The following HSD17B4 variants were observed in gnomAD, a reference collection of about 807,000 sequenced individuals.
HSD17B4 encodes hydroxysteroid 17-beta dehydrogenase 4, also known as peroxisomal multifunctional enzyme type 2.
In HSD17B4, 70 loss-of-function variants were observed where a neutral mutation model predicts 101.0. The observed-to-expected ratio is 0.69, with a 90% CI of 0.57 to 0.85. The LOEUF (loss-of-function observed/expected upper bound fraction) is 0.85, where lower values mean the gene tolerates loss of function less well. Ranked by LOEUF, HSD17B4 falls within the 40% of genes least tolerant of loss-of-function variation. The probability of loss-of-function intolerance (pLI) is 0.00; values close to 1 mark genes in which losing one functional copy is unlikely to be tolerated. For missense variants in HSD17B4, 984 were observed against 892.4 expected, an observed-to-expected ratio of 1.10 and a Z score of -1.31; for synonymous variants, 347 against 297.1, an observed-to-expected ratio of 1.17 and a Z score of -1.73.
In HSD17B4 at chr5:119,452,596, C is replaced by T. The variant is rs143278360; in HGVS notation, c.21C>T (p.Phe7=). 8.7e-6 allele frequency: 14 copies of T among 1,613,978 alleles called. No individual in the cohort carries two copies. The highest frequency in any genetic ancestry group is 1.2e-5 in the Non-Finnish European group (14 of 1,179,980). Residue 7 remains phenylalanine, a synonymous_variant, in exon 1 of 24, where the codon TTC becomes TTT. Transcript: ENST00000510025. The stretch of plus-strand genomic sequence containing the variant: ...TATTCATGGGCTCACCGCTGAGGTT[C>T]GACGGGCGGGTGGTACTGGTCACCG... MGSPLR[F]DGRVVLVTGA...
Position 119,464,159 on chromosome 5 carries a change from GT to G in HSD17B4, c.112+7798del, listed in dbSNP as rs536559875. ...GCAAGTTGTCTCTTCACTGTTGATT[GT>G]TTTTTTGCTGTGCAGAAGCTTTTTA... is the stretch of plus-strand genomic sequence containing the variant. On this transcript the variant is annotated intron_variant, in intron 2 of 23. Transcript: ENST00000510025. Among the ~76,000 whole-genome samples the G allele has an allele frequency of 7.3e-4, 111 of 151,976 alleles. 1 individual carries two copies. Among genetic ancestry groups the G allele is most frequent in the African/African-American group, 2.7e-3 (111 of 41,458 alleles).
intron 8 of HSD17B4, among the ~76,000 whole-genome samples, chr5:119,488,096 C>A (rs1749768736): frequency 6.6e-6 from 1 of 151,986 alleles, no homozygotes; most frequent in Non-Finnish European, 1.5e-5. Flanking sequence ...TTTATTTGAT[C>A]TTTTAGATAA....
intron 2 of HSD17B4, among the ~76,000 whole-genome samples, chr5:119,465,814 T>C (rs1213861153): frequency 1.3e-5 from 2 of 152,230 alleles, no homozygotes; most frequent in Non-Finnish European, 2.9e-5. Context: ...ATGCCCTTTG[T>C]TTCTTTCTCT....
intron 22 of HSD17B4, among the ~76,000 whole-genome samples, chr5:119,532,484 G>T (rs1254551996): frequency 6.6e-6 from 1 of 152,008 alleles, no homozygotes; most frequent in South Asian, 2.1e-4. Context: ...TAAAAAAAAG[G>T]TTCTGAAATT....
intron 12 of HSD17B4, 39 bp from the exon 13 acceptor site, chr5:119,499,278 T>A: frequency 7.2e-7 from 1 of 1,397,170 alleles, no homozygotes; most frequent in Non-Finnish European, 1.0e-6. Flanking sequence ...TTTTGAAAAG[T>A]TATCAATGAA....
At chr5:119,525,002 A>AT (rs1172383340) in intron 17 of HSD17B4, among the ~76,000 whole-genome samples, 1 of 151,930 alleles carries the variant, frequency 6.6e-6, no homozygotes, top group South Asian at 2.1e-4. Flanking sequence ...CCCTTTCTAC[A>AT]TTTTTTTCCC....
intron 2 of HSD17B4, among the ~76,000 whole-genome samples, chr5:119,470,961 A>G (rs933037968): frequency 1.7e-4 from 26 of 152,212 alleles, no homozygotes; most frequent in Non-Finnish European, 3.8e-4. Flanking sequence ...TTAACTACCC[A>G]TGATTGATCT....
intron 17 of HSD17B4, among the ~76,000 whole-genome samples, chr5:119,524,094 A>C (rs1466221868): frequency 6.6e-6 from 1 of 152,102 alleles, no homozygotes; most frequent in Non-Finnish European, 1.5e-5. Context: ...AGCATCTCAT[A>C]TGGGACCTTG....
At chr5:119,506,996 A>G (rs181946611) in intron 15 of HSD17B4, 107 bp downstream of exon 15, 2 of 608,892 alleles carry the variant, frequency 3.3e-6, no homozygotes, top group East Asian at 6.4e-5. Context: ...TTTGTCTTCC[A>G]ATTTGTTAGA....
chr5:119,467,842 A>C (rs1755967588), intron 2 of HSD17B4, among the ~76,000 whole-genome samples: 1 of 152,142 alleles, frequency 6.6e-6, no homozygotes, highest in Admixed American at 6.6e-5. Context: ...CTGAGTTATG[A>C]ATGTAGTTAT....
chr5:119,514,269 G>A (rs1171050328), intron 16 of HSD17B4, among the ~76,000 whole-genome samples: 1 of 152,094 alleles, frequency 6.6e-6, no homozygotes, highest in Non-Finnish European at 1.5e-5. Context: ...TCTAAGTGTG[G>A]CATTTTAGTA....
At chr5:119,484,060 A>G (rs188455373) in intron 8 of HSD17B4, among the ~76,000 whole-genome samples, 16 of 152,180 alleles carry the variant, frequency 1.1e-4, no homozygotes, top group African/African-American at 3.6e-4. Context: ...AAAAAAAGTC[A>G]AGCTGGACAG....
chr5:119,506,476 T>C (rs1211405484), intron 14 of HSD17B4, among the ~76,000 whole-genome samples: 1 of 152,246 alleles, frequency 6.6e-6, no homozygotes, highest in Admixed American at 6.5e-5. Flanking sequence ...ACAATAAATA[T>C]ACGTGTGCAT....
intron 20 of HSD17B4, among the ~76,000 whole-genome samples, chr5:119,528,510 A>T (rs768109857): frequency 6.6e-6 from 1 of 152,140 alleles, no homozygotes; most frequent in Non-Finnish European, 1.5e-5. Flanking sequence ...ACCCATAGAT[A>T]CACTCAAATT....
chr5:119,470,889 A>G (rs114577967), intron 2 of HSD17B4, among the ~76,000 whole-genome samples: 2,091 of 152,324 alleles, frequency 0.014, 50 homozygotes, highest in African/African-American at 0.048. Context: ...TGAGTGGGTC[A>G]GTGTCAATTT....
intron 2 of HSD17B4, chr5:119,471,560 G>T: frequency 1.8e-6 from 1 of 559,638 alleles, no homozygotes; most frequent in Non-Finnish European, 2.8e-6. Flanking sequence ...AAAAAAAATT[G>T]TGTTAATCAT....
intron 6 of HSD17B4, chr5:119,476,679 A>C: frequency 1.0e-6 from 1 of 985,554 alleles, no homozygotes; most frequent in Non-Finnish European, 1.2e-6. Flanking sequence ...TTGCTGGCAA[A>C]GGGGGCCTAT....
chr5:119,468,515 T>C (rs914128460), intron 2 of HSD17B4, among the ~76,000 whole-genome samples: 2 of 152,142 alleles, frequency 1.3e-5, no homozygotes, highest in African/African-American at 4.8e-5. Context: ...TATATGTGAC[T>C]TGATGCTTTT....
chr5:119,525,675 A>G (rs1007399315), intron 18 of HSD17B4: 43 of 552,620 alleles, frequency 7.8e-5, no homozygotes, highest in Non-Finnish European at 1.3e-4. Context: ...AAACAAAACA[A>G]TTGTGTTTCC....
Sources: gnomAD v4.1 joint callset for allele counts (sites outside exome capture counted in the v4.1 genomes callset) on GRCh38, gnomAD v4.1.1 for gene constraint, MANE v1.5 for transcripts, NCBI Gene and HGNC (gene_info 2026-07-23, HGNC 2026-07-21) for gene names.